The following ZNF562 variants were observed in gnomAD, a reference collection of about 807,000 sequenced individuals.
ZNF562 encodes zinc finger protein 562.
Under a neutral mutation model 17.5 loss-of-function variants are expected in ZNF562, and 13 were observed. That is an observed-to-expected ratio of 0.74 (90% CI 0.48 to 1.18). The LOEUF (loss-of-function observed/expected upper bound fraction) is 1.18, where lower values mean the gene tolerates loss of function less well. Ranked by LOEUF, ZNF562 falls within the 50% of genes most tolerant of loss-of-function variation. The pLI is 0.00. For synonymous variants in ZNF562, 163 were observed against 165.4 expected (o/e 0.99, Z 0.11); for missense variants, 481 against 498.5 (o/e 0.96, Z 0.33).
At chr19:9,671,524 C>T (rs1302326354) in intron 1 of ZNF562, among the ~76,000 whole-genome samples, 1 of 152,190 alleles carries the variant, frequency 6.6e-6, no homozygotes, top group Non-Finnish European at 1.5e-5. Flanking sequence ...AACTACCATC[C>T]ATAGACCTCT....
intron 5 of ZNF562, 110 bp from the exon 6 acceptor site, chr19:9,653,991 A>AT (rs1410009525): frequency 1.4e-5 from 17 of 1,196,460 alleles, no homozygotes; most frequent in South Asian, 2.6e-5. Context: ...TTTAATGTTT[A>AT]ATTTTTTTTT....
At chr19:9,654,779 A>G (rs192739044) in intron 5 of ZNF562, among the ~76,000 whole-genome samples, 158 of 152,194 alleles carry the variant, frequency 1.0e-3, no homozygotes, top group Non-Finnish European at 1.7e-3. Flanking sequence ...GGGTCTTGGT[A>G]TGTAGCCTAG....
rs1409800515 is a variant in ZNF562, at chr19:9,651,857, C to T, written c.*1092G>A. ...GCTGTGAGCCCCGATTCCCACTCTG[C>T]ACTATATTTCTGTGTCTTTGTCTTA... On this transcript the variant is annotated 3_prime_UTR_variant, in exon 6 of 6. Transcript: ENST00000453372. 1 of 152,228 alleles carries T rather than the reference C, an allele frequency of 6.6e-6. No homozygotes were observed. The highest frequency in any genetic ancestry group is 1.5e-5 in the Non-Finnish European group (1 of 68,052). The allele number at this position is 152,228 out of a possible 1,614,324, so 9.4% of individuals were successfully genotyped here.
Position 9,669,732 on chromosome 19 carries a change from G to GCACACACACACA in ZNF562, c.-131+5282_-131+5283insTGTGTGTGTGTG, listed in dbSNP as rs1276865026. ...CACGCGCGCGAGCGCGCGCGCGCGC[G>GCACACACACACA]CGCACACACACACACACACACACAC... On this transcript the variant is annotated intron_variant, in intron 1 of 5. Transcript: ENST00000453372. Among the ~76,000 whole-genome samples the GCACACACACACA allele has an allele frequency of 1.6e-3, 124 of 76,782 alleles. 1 individual carries two copies. Among genetic ancestry groups the GCACACACACACA allele is most frequent in the East Asian group, 2.9e-3 (7 of 2,422 alleles). The allele number at this position is 76,782 out of a possible 152,430, so 50.4% of individuals were successfully genotyped here. A position where few individuals can be genotyped will look rare whatever the true frequency, so the allele number is the denominator to read the frequency against.
chr19:9,653,647 G>C lies in ZNF562; in HGVS notation c.583C>G (p.Leu195Val), dbSNP rs1365396860. The C allele has an allele frequency of 1.2e-6, 2 of 1,613,984 alleles. No individual in the cohort carries two copies. Among genetic ancestry groups the C allele is most frequent in the Non-Finnish European group, 1.7e-6 (2 of 1,179,876 alleles). ...FTLTPGLAVH[L>V]EILNGRQPYK... Reference sequence around the variant, plus strand: ...GGTTGTCTTCCATTGAGAATTTCAAGATGCACAGCAAGGCCTGGAGTTAAG... The same window carrying C: ...GGTTGTCTTCCATTGAGAATTTCAACATGCACAGCAAGGCCTGGAGTTAAG... Residue 195 changes from leucine (L) to valine (V), a missense_variant, in exon 6 of 6, where the codon CTT becomes GTT. Leu to Val is a conservative substitution (Grantham distance 32). This residue lies in a region of ZNF562 where 403 missense variants were observed against 386.4 expected (regional missense o/e 1.04). Transcript: ENST00000453372.
intron 3 of ZNF562, chr19:9,658,478 T>C (rs1244639762): frequency 6.3e-6 from 2 of 318,540 alleles, no homozygotes; most frequent in East Asian, 3.4e-4. Context: ...GCCTCCCAAG[T>C]AGATGGGATT....
intron 1 of ZNF562, among the ~76,000 whole-genome samples, chr19:9,661,355 G>A (rs1014132277): frequency 2.6e-5 from 4 of 152,074 alleles, no homozygotes; most frequent in African/African-American, 4.8e-5. Flanking sequence ...GTCTCACTCT[G>A]TTGCCCAGGC....
At position 9,653,561 on chromosome 19, in the gene ZNF562, C is replaced by T. The variant is rs1419612625; in HGVS notation, c.669G>A (p.Met223Ile). The part of the protein sequence containing the change: ...FKYFASLDNH[M>I]GIHIGEKLCE... ...AGAGTTTCTCTCCAATGTGGATTCC[C>T]ATGTGATTATCAAGGCTTGCAAAAT... is the stretch of plus-strand genomic sequence containing the variant. Residue 223 changes from methionine (M) to isoleucine (I), a missense_variant, in exon 6 of 6, where the codon ATG becomes ATA. Transcript: ENST00000453372. The T allele has an allele frequency of 5.0e-6, 8 of 1,614,016 alleles. No individual in the cohort carries two copies. Among genetic ancestry groups the T allele is most frequent in the South Asian group, 1.1e-5 (1 of 91,082 alleles).
At chr19:9,657,318 C>T (rs1224888212) in intron 4 of ZNF562, among the ~76,000 whole-genome samples, 5 of 148,106 alleles carry the variant, frequency 3.4e-5, no homozygotes, top group South Asian at 2.2e-4. Flanking sequence ...GGCAAGAACC[C>T]GGGAGGCAGA....
Position 9,652,795 on chromosome 19 carries a change from G to T in ZNF562, c.*154C>A. The stretch of plus-strand genomic sequence containing the variant: ...CAACACTCATATCCTTACATTCATA[G>T]TATTTCTCCCCAGTGTGAATTCTTT... On this transcript the variant is annotated 3_prime_UTR_variant, in exon 6 of 6. Transcript: ENST00000453372. 1.5e-6 allele frequency: 1 copy of T among 645,910 alleles called. No homozygotes were observed. The highest frequency in any genetic ancestry group is 2.5e-6 in the Non-Finnish European group (1 of 400,876). 40.0% of individuals were successfully genotyped at this position (645,910 alleles called of 1,614,324 possible). A position where few individuals can be genotyped will look rare whatever the true frequency, so the allele number is the denominator to read the frequency against.
At chr19:9,657,551 C>A (rs1180703443) in intron 4 of ZNF562, among the ~76,000 whole-genome samples, 1 of 142,350 alleles carries the variant, frequency 7.0e-6, no homozygotes, top group African/African-American at 2.6e-5. Context: ...CTTTAAAAAT[C>A]TTTTTTTTTT....
intron 1 of ZNF562, among the ~76,000 whole-genome samples, chr19:9,666,119 G>C (rs1161623105): frequency 6.6e-6 from 1 of 152,026 alleles, no homozygotes; most frequent in South Asian, 2.1e-4. Context: ...GAGGTCAGGA[G>C]TTCAAGACCA....
chr19:9,666,342 A>G (rs1420403382), intron 1 of ZNF562, among the ~76,000 whole-genome samples: 1 of 151,054 alleles, frequency 6.6e-6, no homozygotes, highest in Non-Finnish European at 1.5e-5. Flanking sequence ...AAAAAAAAAA[A>G]TTACACAATG....
Position 9,650,954 on chromosome 19 carries a change from C to CAAAAAAAAAAAAAAAAAAAA in ZNF562, c.*1975_*1994dup, listed in dbSNP as rs74178208. ...GGGCAACAAGAGCAAAACTCCATCT[C>CAAAAAAAAAAAAAAAAAAAA]AAAAAAAAAAAAAAAAAAAAAAAAA... On this transcript the variant is annotated 3_prime_UTR_variant, in exon 6 of 6. Coordinates refer to ENST00000453372, the MANE Select transcript of ZNF562 (RefSeq NM_001130031.2). 1.3e-4 allele frequency: 6 copies of CAAAAAAAAAAAAAAAAAAAA among 46,308 alleles called. No individual in the cohort carries two copies. The highest frequency in any genetic ancestry group is 3.1e-4 in the African/African-American group (5 of 16,042). 2.9% of individuals were successfully genotyped at this position (46,308 alleles called of 1,614,324 possible). A position where few individuals can be genotyped will look rare whatever the true frequency, so the allele number is the denominator to read the frequency against.
chr19:9,656,758 C>A, intron 4 of ZNF562, 105 bp from the exon 5 acceptor site: 1 of 1,135,476 alleles, frequency 8.8e-7, no homozygotes, highest in South Asian at 1.4e-5. Flanking sequence ...GGCACGGTGA[C>A]TCAGGCCCGT....
intron 2 of ZNF562, among the ~76,000 whole-genome samples, 175 bp from the exon 3 acceptor site, chr19:9,659,642 G>T (rs187629563): frequency 6.6e-6 from 1 of 151,990 alleles, no homozygotes; most frequent in East Asian, 1.9e-4. Context: ...ACCCAGAAAA[G>T]CAGATATGGG....
intron 2 of ZNF562, among the ~76,000 whole-genome samples, chr19:9,659,960 A>C (rs2043668176): frequency 3.0e-5 from 4 of 132,962 alleles, no homozygotes; most frequent in East Asian, 4.1e-4. Context: ...AAAAAAAAAA[A>C]AAAAAAAAAA....
At position 9,642,914 on chromosome 19, in the gene ZNF562, T is replaced by C. The variant is rs1432940878; in HGVS notation, c.*10035A>G. On this transcript the variant is annotated 3_prime_UTR_variant, in exon 6 of 6. Transcript: ENST00000453372. ...AAAATTAGCCGGGCCTGGTGGTACA[T>C]GCCTGCATTCCCAGCTACTCAGAAG... is the stretch of plus-strand genomic sequence containing the variant. 6.6e-6 allele frequency: 1 copy of C among 151,644 alleles called. No individual in the cohort carries two copies. Among genetic ancestry groups the C allele is most frequent in the African/African-American group, 2.4e-5 (1 of 41,250 alleles). The allele number at this position is 151,644 out of a possible 1,614,324, so 9.4% of individuals were successfully genotyped here.
Position 9,651,016 on chromosome 19 carries a change from A to C in ZNF562, c.*1933T>G, listed in dbSNP as rs2074860360. 6.6e-6 allele frequency: 1 copy of C among 151,646 alleles called. No individual in the cohort carries two copies. Among genetic ancestry groups the C allele is most frequent in the Admixed American group, 6.6e-5 (1 of 15,192 alleles). The allele number at this position is 151,646 out of a possible 1,614,324, so 9.4% of individuals were successfully genotyped here. A position where few individuals can be genotyped will look rare whatever the true frequency, so the allele number is the denominator to read the frequency against. On this transcript the variant is annotated 3_prime_UTR_variant, in exon 6 of 6. Coordinates refer to ENST00000453372, the MANE Select transcript of ZNF562 (RefSeq NM_001130031.2). ...TTTTAACCTCATTGATTTAAAATTA[A>C]ATTAATTTCTAAGCCATTTGGTCTG... is the stretch of plus-strand genomic sequence containing the variant.
Sources: gnomAD v4.1 joint callset for allele counts (sites outside exome capture counted in the v4.1 genomes callset) on GRCh38, gnomAD v4.1.1 for gene constraint, gnomAD v4.1.1 regional missense constraint, MANE v1.5 for transcripts, NCBI Gene and HGNC (gene_info 2026-07-23, HGNC 2026-07-21) for gene names.